The following MBOAT2 variants were observed in gnomAD, a reference collection of about 807,000 sequenced individuals.
MBOAT2 encodes membrane-bound glycerophospholipid O-acyltransferase 2.
In MBOAT2, 28 loss-of-function variants were observed where a neutral mutation model predicts 63.4. That is an observed-to-expected ratio of 0.44 (90% CI 0.33 to 0.61). MBOAT2 has a LOEUF of 0.61. Among genes scored for constraint, MBOAT2 ranks in the 20% least tolerant of loss-of-function variants. MBOAT2 has a pLI of 0.03. For missense variants in MBOAT2, 470 were observed against 605.8 expected, an observed-to-expected ratio of 0.78 and a Z score of 2.35; for synonymous variants, 211 against 215.6, an observed-to-expected ratio of 0.98 and a Z score of 0.19.
At chr2:8,990,490 T>G (rs1671851875) in intron 1 of MBOAT2, among the ~76,000 whole-genome samples, 3 of 151,936 alleles carry the variant, frequency 2.0e-5, no homozygotes, top group Admixed American at 6.5e-5. Flanking sequence ...TTTCTAAGAA[T>G]TTTTTAATCT....
At chr2:8,962,679 T>C (rs897088885) in intron 1 of MBOAT2, among the ~76,000 whole-genome samples, 4 of 151,084 alleles carry the variant, frequency 2.6e-5, no homozygotes, top group Non-Finnish European at 5.9e-5. Context: ...ACTAAAACTA[T>C]ATATATATAT....
At chr2:8,973,337 G>A (rs577707291) in intron 1 of MBOAT2, among the ~76,000 whole-genome samples, 4 of 144,264 alleles carry the variant, frequency 2.8e-5, no homozygotes, top group Non-Finnish European at 4.5e-5. Context: ...CTTGGACACA[G>A]GAAGGGGAAC....
chr2:9,001,016 CACTAGCCT>C (rs755366831), intron 1 of MBOAT2, among the ~76,000 whole-genome samples: 18 of 151,972 alleles, frequency 1.2e-4, no homozygotes, highest in Non-Finnish European at 2.4e-4. Context: ...CAAACACACA[CACTAGCCT>C]AGGCCCACAC....
intron 8 of MBOAT2, among the ~76,000 whole-genome samples, chr2:8,869,406 T>C (rs1017376033): frequency 4.6e-5 from 7 of 152,142 alleles, no homozygotes; most frequent in Non-Finnish European, 5.9e-5. Flanking sequence ...TTGCTTTATG[T>C]ACATGCTTAA....
intron 2 of MBOAT2, among the ~76,000 whole-genome samples, chr2:8,954,798 G>C (rs1422346537): frequency 1.3e-5 from 2 of 152,092 alleles, no homozygotes; most frequent in Non-Finnish European, 2.9e-5. Context: ...GTGTCCAGGA[G>C]GGGTGGGGTG....
chr2:8,987,129 T>C (rs1312624738), intron 1 of MBOAT2, among the ~76,000 whole-genome samples: 2 of 152,330 alleles, frequency 1.3e-5, no homozygotes, highest in African/African-American at 4.8e-5. Flanking sequence ...TAATGAAACA[T>C]GTAAACAAGA....
At chr2:8,871,573 G>A (rs982400695) in intron 8 of MBOAT2, among the ~76,000 whole-genome samples, 5 of 152,032 alleles carry the variant, frequency 3.3e-5, no homozygotes, top group Non-Finnish European at 7.4e-5. Flanking sequence ...AATTTAATTC[G>A]GTATTATTGA....
intron 3 of MBOAT2, among the ~76,000 whole-genome samples, chr2:8,937,990 T>C (rs943260023): frequency 1.3e-5 from 2 of 152,232 alleles, no homozygotes; most frequent in African/African-American, 4.8e-5. Flanking sequence ...TGAATTTCTA[T>C]GAGAGGGAAG....
intron 3 of MBOAT2, among the ~76,000 whole-genome samples, chr2:8,912,867 A>C (rs977009898): frequency 1.6e-4 from 24 of 152,322 alleles, no homozygotes; most frequent in South Asian, 2.1e-4. Flanking sequence ...GGAACCAAAA[A>C]AGAGCCCGCA....
At chr2:8,860,236 T>C (rs1428318044) in intron 12 of MBOAT2, among the ~76,000 whole-genome samples, 1 of 152,214 alleles carries the variant, frequency 6.6e-6, no homozygotes, top group Non-Finnish European at 1.5e-5. Context: ...AGCTGGTTTT[T>C]TCCCCAAAGA....
chr2:8,943,933 A>G (rs10210525), intron 2 of MBOAT2, among the ~76,000 whole-genome samples: 16,142 of 152,042 alleles, frequency 0.11, 1,025 homozygotes, highest in African/African-American at 0.18. Context: ...GCGCGATCTC[A>G]GCTCACTGCA....
rs1281288507 is a variant in MBOAT2, at chr2:8,862,957, T to C, written c.1053-235A>G. On this transcript the variant is annotated intron_variant, in intron 10 of 12. Coordinates refer to ENST00000305997, the MANE Select transcript of MBOAT2 (RefSeq NM_138799.4). This position sits in a 1 kb window ranked among gnomAD's most constrained non-coding sequence, Gnocchi z 4.3. ...CTTATTGGTATATATAGTATATATA[T>C]TGGTATATATAGTAACTTAAATGAT... Among the ~76,000 whole-genome samples, 1 of 151,760 alleles carries C rather than the reference T, an allele frequency of 6.6e-6. No individual in the cohort carries two copies. The highest frequency in any genetic ancestry group is 1.9e-4 in the East Asian group (1 of 5,198).
chr2:8,956,400 A>G (rs540011041), intron 2 of MBOAT2, among the ~76,000 whole-genome samples: 1 of 152,358 alleles, frequency 6.6e-6, no homozygotes, highest in Non-Finnish European at 1.5e-5. Context: ...CTCATTTGAA[A>G]AATAAAAATA....
intron 1 of MBOAT2, among the ~76,000 whole-genome samples, chr2:8,960,269 T>G (rs972470343): frequency 3.9e-5 from 6 of 152,230 alleles, no homozygotes; most frequent in Non-Finnish European, 7.3e-5. Flanking sequence ...TATTTCTTTC[T>G]TTTTCAGATA....
rs559279492 is a variant in MBOAT2 at position 8,902,204 on chromosome 2, G to A, written c.395+6417C>T. Among the ~76,000 whole-genome samples, 123 of 152,336 alleles carry A rather than the reference G, an allele frequency of 8.1e-4. 1 individual carries two copies. Among genetic ancestry groups the A allele is most frequent in the African/African-American group, 2.3e-3 (94 of 41,568 alleles). On this transcript the variant is annotated intron_variant, in intron 4 of 12. Transcript: ENST00000305997. Reference sequence around the variant, plus strand: ...CACCCGTGTCCGTAGTCCAGCGGCCGTGCTAGTCGCTTTTAACTGGCCAAC... The same window carrying A: ...CACCCGTGTCCGTAGTCCAGCGGCCATGCTAGTCGCTTTTAACTGGCCAAC...
intron 1 of MBOAT2, among the ~76,000 whole-genome samples, chr2:8,962,896 T>C (rs1369138392): frequency 2.0e-5 from 3 of 152,000 alleles, no homozygotes; most frequent in Non-Finnish European, 4.4e-5. Context: ...AGAGTTAGTA[T>C]TCAAAAGGTA....
chr2:8,902,036 C>G (rs577239029), intron 4 of MBOAT2, among the ~76,000 whole-genome samples: 1 of 152,138 alleles, frequency 6.6e-6, no homozygotes, highest in Non-Finnish European at 1.5e-5. Context: ...GTCGGGACCC[C>G]GGAGCTGAAT....
intron 1 of MBOAT2, among the ~76,000 whole-genome samples, chr2:8,996,717 C>T (rs958998488): frequency 6.6e-6 from 1 of 152,202 alleles, no homozygotes; most frequent in Non-Finnish European, 1.5e-5. Context: ...GCAGCTGGCT[C>T]GGGAACTTCG....
intron 2 of MBOAT2, among the ~76,000 whole-genome samples, chr2:8,948,632 T>C (rs1341400553): frequency 2.0e-5 from 3 of 152,210 alleles, no homozygotes; most frequent in Non-Finnish European, 4.4e-5. Flanking sequence ...CATAGGATAA[T>C]GGCCTCCAGC....
Sources: allele counts gnomAD v4.1 joint callset (sites outside exome capture counted in the v4.1 genomes callset), GRCh38; gene constraint gnomAD v4.1.1; non-coding constraint Gnocchi (gnomAD v3.1); transcripts MANE v1.5; gene names NCBI Gene and HGNC (gene_info 2026-07-23, HGNC 2026-07-21).